The following PDE4D variants were observed in gnomAD, a reference collection of about 807,000 sequenced individuals.
The protein encoded by PDE4D is 3',5'-cyclic-AMP phosphodiesterase 4D.
A neutral mutation model predicts 87.4 loss-of-function variants in PDE4D; 24 were observed. The observed-to-expected ratio is 0.27, with a 90% CI of 0.20 to 0.39. The LOEUF is 0.39. PDE4D is among the 10% of genes least tolerant of loss of function. The pLI is 1.00. For synonymous variants in PDE4D, 384 were observed against 383.2 expected (o/e 1.00, Z -0.02); for missense variants, 714 against 1,041.0 (o/e 0.69, Z 4.32).
chr5:60,513,344 G>A (rs1489549853), intron 1 of PDE4D, among the ~76,000 whole-genome samples: 1 of 152,070 alleles, frequency 6.6e-6, no homozygotes, highest in Non-Finnish European at 1.5e-5. Context: ...AACATTAATA[G>A]ATAAAGAGGA....
intron 2 of PDE4D, among the ~76,000 whole-genome samples, chr5:59,998,357 A>G (rs1304216672): frequency 6.6e-6 from 1 of 152,202 alleles, no homozygotes; most frequent in Non-Finnish European, 1.5e-5. Flanking sequence ...ACTGAAAAAT[A>G]ATTGAAAATA....
intron 1 of PDE4D, among the ~76,000 whole-genome samples, chr5:59,720,531 G>A (rs1755677528): frequency 6.6e-6 from 1 of 152,118 alleles, no homozygotes; most frequent in Admixed American, 6.6e-5. Context: ...CCTCAGGTAA[G>A]GGTAAGATTT....
chr5:59,287,239 C>T (rs986207823), intron 1 of PDE4D, among the ~76,000 whole-genome samples: 5 of 152,096 alleles, frequency 3.3e-5, no homozygotes, highest in Non-Finnish European at 5.9e-5. Flanking sequence ...ATTGAAGAGC[C>T]CCTGGGCCTT....
At chr5:59,692,083 T>G (rs922067162) in intron 1 of PDE4D, among the ~76,000 whole-genome samples, 3 of 152,150 alleles carry the variant, frequency 2.0e-5, no homozygotes, top group African/African-American at 7.2e-5. Context: ...GACTGTGATA[T>G]TACCTATTCA....
intron 1 of PDE4D, among the ~76,000 whole-genome samples, chr5:60,497,391 T>C (rs192819040): frequency 5.3e-5 from 8 of 152,172 alleles, no homozygotes; most frequent in African/African-American, 1.7e-4. Flanking sequence ...TTTTTTGTCT[T>C]TCTTTTTTTT....
chr5:59,056,093 CG>C (rs1488253390), intron 5 of PDE4D, among the ~76,000 whole-genome samples: 1 of 152,140 alleles, frequency 6.6e-6, no homozygotes, highest in Admixed American at 6.5e-5. Context: ...ATCCATGCCC[CG>C]CCTCCACCTG....
At chr5:60,483,861 G>C (rs1393987751) in intron 1 of PDE4D, among the ~76,000 whole-genome samples, 1 of 152,258 alleles carries the variant, frequency 6.6e-6, no homozygotes, top group African/African-American at 2.4e-5. Context: ...TTTAAAAAGG[G>C]TTCAACAGGT....
At chr5:59,860,427 T>C (rs915593123) in intron 1 of PDE4D, among the ~76,000 whole-genome samples, 5 of 152,182 alleles carry the variant, frequency 3.3e-5, no homozygotes, top group African/African-American at 1.2e-4. Flanking sequence ...CCCCACTAAG[T>C]GATTTTTTTC....
intron 1 of PDE4D, among the ~76,000 whole-genome samples, chr5:59,218,748 T>C (rs939048901): frequency 1.2e-4 from 19 of 152,192 alleles, no homozygotes; most frequent in Admixed American, 5.9e-4. Context: ...AAGTTCACAA[T>C]GTATACTAAG....
chr5:60,154,569 C>A (rs1337340682), intron 2 of PDE4D, among the ~76,000 whole-genome samples: 1 of 152,080 alleles, frequency 6.6e-6, no homozygotes, highest in East Asian at 1.9e-4. Context: ...CCACTGCACC[C>A]GGCCCTATTA....
intron 1 of PDE4D, among the ~76,000 whole-genome samples, chr5:59,312,097 C>T (rs1009078964): frequency 1.3e-5 from 2 of 152,170 alleles, no homozygotes; most frequent in Non-Finnish European, 2.9e-5. Flanking sequence ...CCTTAGTTCT[C>T]CTCTCCAAGC....
At chr5:60,436,577 C>G (rs1423601672) in intron 1 of PDE4D, among the ~76,000 whole-genome samples, 2 of 152,088 alleles carry the variant, frequency 1.3e-5, no homozygotes, top group Non-Finnish European at 2.9e-5. Context: ...TTTAATCTAG[C>G]TTGAGCTTCA....
chr5:60,380,784 CACA>C (rs2150005443), intron 1 of PDE4D, among the ~76,000 whole-genome samples: 1 of 152,298 alleles, frequency 6.6e-6, no homozygotes, highest in Non-Finnish European at 1.5e-5. Context: ...TAATAAAAAT[CACA>C]ACAACGAGAA....
At position 59,259,959 on chromosome 5, in the gene PDE4D, T is replaced by C. The variant is rs1761692656; in HGVS notation, c.456-43991A>G. 2.0e-5 allele frequency among the ~76,000 whole-genome samples: 3 copies of C among 151,836 alleles called. No homozygotes were observed. The South Asian group carries it at 6.2e-4, about 31-fold the overall frequency. ...CTGTGAGGATTATGACCAAACAAGT[T>C]TCCATGAATTTAACATTTTTTTCTA... On this transcript the variant is annotated intron_variant, in intron 1 of 14. Coordinates refer to ENST00000340635, the MANE Select transcript of PDE4D (RefSeq NM_001104631.2).
chr5:59,945,203 G>A (rs564838505), intron 3 of PDE4D, among the ~76,000 whole-genome samples: 1 of 152,336 alleles, frequency 6.6e-6, no homozygotes, highest in South Asian at 2.1e-4. Flanking sequence ...TATTGGAGCA[G>A]AATAAATGGT....
intron 3 of PDE4D, among the ~76,000 whole-genome samples, chr5:59,189,232 G>GTTTTTTTT (rs34203891): frequency 2.0e-5 from 2 of 99,898 alleles, no homozygotes; most frequent in African/African-American, 3.4e-5. Flanking sequence ...TTCCTACCCC[G>GTTTTTTTT]TTTTTTTTTT....
chr5:59,744,223 T>G (rs1369494252), intron 1 of PDE4D, among the ~76,000 whole-genome samples: 1 of 152,112 alleles, frequency 6.6e-6, no homozygotes, highest in Non-Finnish European at 1.5e-5. Context: ...TAATTCATAA[T>G]GGAGGAATCT....
intron 1 of PDE4D, among the ~76,000 whole-genome samples, chr5:60,319,981 C>T (rs1756065588): frequency 6.6e-6 from 1 of 152,220 alleles, no homozygotes; most frequent in Admixed American, 6.5e-5. Context: ...CAGCTGCGTG[C>T]TGGGAGAACC....
chr5:59,313,223 T>C (rs898484366), intron 1 of PDE4D, among the ~76,000 whole-genome samples: 1 of 152,130 alleles, frequency 6.6e-6, no homozygotes, highest in African/African-American at 2.4e-5. Context: ...TCTAGGCAAC[T>C]TACCCCCAAA....
Sources: allele counts gnomAD v4.1 joint callset (sites outside exome capture counted in the v4.1 genomes callset), GRCh38; gene constraint gnomAD v4.1.1; transcripts MANE v1.5; gene names NCBI Gene and HGNC (gene_info 2026-07-23, HGNC 2026-07-21).